The following DLGAP2 variants were observed in gnomAD, a reference collection of about 807,000 sequenced individuals.
The protein encoded by DLGAP2 is disks large-associated protein 2.
DLGAP2 carries 26 observed loss-of-function variants against 100.3 expected under a neutral mutation model. The ratio of observed to expected loss-of-function variants is 0.26; its 90% confidence interval spans 0.19 to 0.36. The LOEUF (loss-of-function observed/expected upper bound fraction) is 0.36. Among genes scored for constraint, DLGAP2 ranks in the 10% least tolerant of loss-of-function variants. The probability of loss-of-function intolerance (pLI) is 1.00; values close to 1 mark genes in which losing one functional copy is unlikely to be tolerated. For missense variants in DLGAP2, 1,858 were observed against 1,453.2 expected (o/e 1.28, Z -4.53); for synonymous variants, 886 against 630.1 (o/e 1.41, Z -6.08).
At position 1,532,793 on chromosome 8, in the gene DLGAP2, G is replaced by A. The variant is rs185497797; in HGVS notation, c.173-15833G>A. On this transcript the variant is annotated intron_variant, in intron 4 of 14. Coordinates refer to ENST00000637795, the MANE Select transcript of DLGAP2 (RefSeq NM_001346810.2). ...TCTACTGACGTCAGTTAGGAGGTTCGGTTATAGTCAAATGTTTTGAAACAA... is the reference window on the plus strand; with the variant it reads ...TCTACTGACGTCAGTTAGGAGGTTCAGTTATAGTCAAATGTTTTGAAACAA... Among the ~76,000 whole-genome samples the A allele has an allele frequency of 1.1e-3, 160 of 152,230 alleles. 1 individual carries two copies. The highest frequency in any genetic ancestry group is 3.6e-3 in the African/African-American group (148 of 41,538).
chr8:1,197,053 G>C (rs1797766852), intron 2 of DLGAP2, among the ~76,000 whole-genome samples: 1 of 152,110 alleles, frequency 6.6e-6, no homozygotes, highest in African/African-American at 2.4e-5. Context: ...TGGAGGCCTC[G>C]CCCAAGAAGA....
At chr8:848,909 AGCATAGGAACG>A in intron 1 of DLGAP2, among the ~76,000 whole-genome samples, 1 of 150,322 alleles carries the variant, frequency 6.7e-6, no homozygotes, top group Middle Eastern at 3.5e-3. Context: ...TGCCTGTTCC[AGCATAGGAACG>A]CGCGGTGCCT....
chr8:1,373,411 C>G (rs1048254467), intron 3 of DLGAP2, among the ~76,000 whole-genome samples: 5 of 152,180 alleles, frequency 3.3e-5, no homozygotes, highest in African/African-American at 1.2e-4. Flanking sequence ...CGTCCCCGGG[C>G]TTCCTGCCCG....
intron 1 of DLGAP2, among the ~76,000 whole-genome samples, chr8:760,314 C>A (rs1325315015): frequency 2.6e-5 from 4 of 152,198 alleles, no homozygotes; most frequent in Admixed American, 2.6e-4. Flanking sequence ...GAATCAACTT[C>A]TCTTTAGGCC....
intron 2 of DLGAP2, among the ~76,000 whole-genome samples, chr8:1,097,195 G>C (rs1453232476): frequency 2.9e-5 from 3 of 101,768 alleles, no homozygotes; most frequent in East Asian, 6.5e-4. Context: ...CAGGAGAGTC[G>C]AGCTGGGAGC....
intron 6 of DLGAP2, among the ~76,000 whole-genome samples, chr8:1,570,837 G>A (rs1802629951): frequency 6.7e-6 from 1 of 149,280 alleles, no homozygotes; most frequent in Non-Finnish European, 1.5e-5. Context: ...ATGGAGAGGA[G>A]AGAGGGTGAA....
In DLGAP2 at chr8:1,703,416, C is replaced by T. The variant is rs142843008; in HGVS notation, c.*2010C>T. 1.3e-5 allele frequency: 2 copies of T among 152,608 alleles called. No homozygotes were observed. Among genetic ancestry groups the T allele is most frequent in the East Asian group, 3.9e-4 (2 of 5,184 alleles). 9.5% of individuals were successfully genotyped at this position (152,608 alleles called of 1,614,324 possible). ...AATCTTGAGTAGTGTACGGTAATGA[C>T]GCTTCTTCCTATATCCACTCTTATT... On this transcript the variant is annotated 3_prime_UTR_variant, in exon 15 of 15. Coordinates refer to ENST00000637795, the MANE Select transcript of DLGAP2 (RefSeq NM_001346810.2).
chr8:1,072,045 C>T lies in DLGAP2; in HGVS notation c.73+164079C>T, dbSNP rs118080163. Among the ~76,000 whole-genome samples, 112 of 152,236 alleles carry T rather than the reference C, an allele frequency of 7.4e-4. No individual in the cohort carries two copies. In the East Asian group the frequency reaches 0.02, roughly 27 times the overall value. On this transcript the variant is annotated intron_variant, in intron 2 of 14. Transcript: ENST00000637795. ...GGCAGAAATGGCTGCAGACACCACT[C>T]GGATCAGGGAGTGGATGATCTTTGG... is the stretch of plus-strand genomic sequence containing the variant.
At chr8:1,151,201 C>T (rs1187408109) in intron 2 of DLGAP2, among the ~76,000 whole-genome samples, 3 of 152,214 alleles carry the variant, frequency 2.0e-5, no homozygotes, top group Admixed American at 6.5e-5. Flanking sequence ...CCTCTACCCT[C>T]TTTCATTTTT....
Position 1,571,957 on chromosome 8 carries a change from G to A in DLGAP2, c.1442+6063G>A, listed in dbSNP as rs1200216645. ...TGCTGGGATGGAGAGGAGAGAGGGT[G>A]AACTGTGGGGGCGTCTGATGAGATG... On this transcript the variant is annotated intron_variant, in intron 6 of 14. Transcript: ENST00000637795. Among the ~76,000 whole-genome samples the A allele has an allele frequency of 3.8e-5, 5 of 133,240 alleles. No individual in the cohort carries two copies. In the East Asian group the frequency reaches 1.0e-3, roughly 27 times the overall value. 87.4% of individuals were successfully genotyped at this position (133,240 alleles called of 152,430 possible).
intron 3 of DLGAP2, among the ~76,000 whole-genome samples, chr8:1,465,294 T>G (rs1464625105): frequency 6.6e-6 from 1 of 152,018 alleles, no homozygotes; most frequent in Non-Finnish European, 1.5e-5. Context: ...TGTTTGGTGG[T>G]TTATTATAAA....
At chr8:1,315,241 C>T (rs1221258466) in intron 3 of DLGAP2, among the ~76,000 whole-genome samples, 4 of 152,020 alleles carry the variant, frequency 2.6e-5, no homozygotes, top group Admixed American at 6.5e-5. Flanking sequence ...AGTGTCTCTC[C>T]AGCAGTGGTC....
At chr8:1,438,496 C>G (rs1797718584) in intron 3 of DLGAP2, among the ~76,000 whole-genome samples, 1 of 152,104 alleles carries the variant, frequency 6.6e-6, no homozygotes, top group Admixed American at 6.6e-5. Context: ...AAAAAAACCA[C>G]CATACGTATG....
rs377501518 is a variant in DLGAP2 at position 1,377,384 on chromosome 8, A to G, written c.106+118501A>G. Among the ~76,000 whole-genome samples the G allele has an allele frequency of 8.5e-5, 13 of 152,318 alleles. 1 individual carries two copies. In the East Asian group the frequency reaches 9.7e-4, roughly 11 times the overall value. ...ATGGTGAAACCCCGTCTCTACAGAA[A>G]ATACAAAAAATTAGCCAGGCGAGGT... On this transcript the variant is annotated intron_variant, in intron 3 of 14. Coordinates refer to ENST00000637795, the MANE Select transcript of DLGAP2 (RefSeq NM_001346810.2).
chr8:1,264,922 A>T (rs867685036), intron 3 of DLGAP2, among the ~76,000 whole-genome samples: 1 of 152,172 alleles, frequency 6.6e-6, no homozygotes, highest in Admixed American at 6.5e-5. Flanking sequence ...ATGGTTTCAT[A>T]AAGGGCAGTT....
chr8:1,257,741 C>T (rs1056471254), intron 2 of DLGAP2, among the ~76,000 whole-genome samples: 3 of 150,086 alleles, frequency 2.0e-5, no homozygotes, highest in Middle Eastern at 3.4e-3. Context: ...TGCAGGCCAG[C>T]GCTGACGTGG....
intron 2 of DLGAP2, among the ~76,000 whole-genome samples, chr8:1,021,207 AC>A (rs1387074639): frequency 1.3e-5 from 2 of 152,194 alleles, no homozygotes; most frequent in African/African-American, 4.8e-5. Context: ...AGATATTGTT[AC>A]CCTTGACATC....
chr8:921,752 C>T (rs1038619622), intron 2 of DLGAP2, among the ~76,000 whole-genome samples: 7 of 152,252 alleles, frequency 4.6e-5, no homozygotes, highest in Non-Finnish European at 4.4e-5. Context: ...CCAGTCCTGT[C>T]GGGCCGCCTC....
intron 2 of DLGAP2, among the ~76,000 whole-genome samples, chr8:1,131,153 C>T (rs185514550): frequency 3.1e-4 from 47 of 152,282 alleles, no homozygotes; most frequent in African/African-American, 1.1e-3. Context: ...TACCTTCACA[C>T]GGTTCTCTGG....
Sources: allele counts gnomAD v4.1 joint callset (sites outside exome capture counted in the v4.1 genomes callset), GRCh38; gene constraint gnomAD v4.1.1; transcripts MANE v1.5; gene names NCBI Gene and HGNC (gene_info 2026-07-23, HGNC 2026-07-21).